The following TCF20 variants were observed in gnomAD, a reference collection of about 807,000 sequenced individuals.
The protein encoded by TCF20 is transcription factor 20, also known as SPRE-binding protein.
In TCF20, 3 loss-of-function variants were observed where a neutral mutation model predicts 148.6. The ratio of observed to expected loss-of-function variants is 0.02; its 90% CI spans 0.01 to 0.05. The LOEUF (loss-of-function observed/expected upper bound fraction) is 0.05, where lower values mean the gene tolerates loss of function less well. TCF20 is among the 10% of genes least tolerant of loss of function. TCF20 has a pLI of 1.00. For synonymous variants in TCF20, 1,049 were observed against 909.5 expected, an observed-to-expected ratio of 1.15 and a Z score of -2.76; for missense variants, 2,350 against 2,429.3, an observed-to-expected ratio of 0.97 and a Z score of 0.69.
At chr22:42,283,060 C>G (rs1041378381) in intron 1 of TCF20, among the ~76,000 whole-genome samples, 1 of 152,242 alleles carries the variant, frequency 6.6e-6, no homozygotes, top group Non-Finnish European at 1.5e-5. Context: ...TCATTCTCCG[C>G]TCTCTTCCTC....
rs138453240 is a variant in TCF20 at position 42,210,257 on chromosome 22, C to T, written c.5049G>A (p.Pro1683=). 8.8e-4 allele frequency: 1,425 copies of T among 1,614,164 alleles called. 1 individual carries two copies. The highest frequency in any genetic ancestry group is 1.1e-3 in the Non-Finnish European group (1,357 of 1,180,042). The change falls in exon 2 of 6, where the codon CCG becomes CCA. Residue 1683 remains proline (P), a synonymous_variant. Coordinates refer to ENST00000677622, the MANE Select transcript of TCF20 (RefSeq NM_001378418.1). This position sits in a 1 kb window ranked among gnomAD's most constrained non-coding sequence, Gnocchi z 4.7. The part of the protein sequence containing the change: ...PPSSTESKAL[P]ASSFMLQGPV... ...GTCCCTGCAGCATAAAGGACGAGGC[C>T]GGGAGCGCCTTGCTTTCAGTGCTGC...
At chr22:42,340,151 A>G (rs1405519973) in intron 1 of TCF20, among the ~76,000 whole-genome samples, 2 of 152,202 alleles carry the variant, frequency 1.3e-5, no homozygotes, top group African/African-American at 4.8e-5. Context: ...AGAGCCGTCC[A>G]GACATTCCCA....
chr22:42,256,213 C>A (rs1925733493), intron 1 of TCF20, among the ~76,000 whole-genome samples: 1 of 152,192 alleles, frequency 6.6e-6, no homozygotes, highest in South Asian at 2.1e-4. Flanking sequence ...ATCAATCATT[C>A]ATACGTTTGA....
chr22:42,244,193 A>G (rs1924711331), intron 1 of TCF20, among the ~76,000 whole-genome samples: 1 of 152,140 alleles, frequency 6.6e-6, no homozygotes, highest in African/African-American at 2.4e-5. Context: ...CACACATGGG[A>G]ATATAAAATA....
chr22:42,179,038 A>T (rs376014697), intron 3 of TCF20, among the ~76,000 whole-genome samples: 2 of 119,572 alleles, frequency 1.7e-5, no homozygotes, highest in African/African-American at 3.7e-5. Context: ...GGCTACAATT[A>T]AAAAAAAAAA....
At position 42,160,854 on chromosome 22, in the gene TCF20, T is replaced by C. The variant is rs1420327813; in HGVS notation, c.*549A>G. 1 of 152,490 alleles carries C rather than the reference T, an allele frequency of 6.6e-6. No individual in the cohort carries two copies. The highest frequency in any genetic ancestry group is 1.9e-4 in the East Asian group (1 of 5,180). 9.4% of individuals were successfully genotyped at this position (152,490 alleles called of 1,614,324 possible). On this transcript the variant is annotated 3_prime_UTR_variant, in exon 6 of 6. Coordinates refer to ENST00000677622, the MANE Select transcript of TCF20 (RefSeq NM_001378418.1). ...CTGGGTCTAGTGTTTTCTGAACTGG[T>C]GTGAGACAGGCTAAAGATCAACGCC...
chr22:42,162,153 G>A (rs538094866), intron 5 of TCF20, among the ~76,000 whole-genome samples: 1 of 151,760 alleles, frequency 6.6e-6, no homozygotes, highest in Non-Finnish European at 1.5e-5. Context: ...GCTAATTTTT[G>A]TATTTTTAGG....
intron 3 of TCF20, 30 bp from the exon 4 acceptor site, chr22:42,169,926 A>G (rs1199283284): frequency 1.9e-6 from 3 of 1,611,650 alleles, no homozygotes; most frequent in East Asian, 2.2e-5. Context: ...AGTCAGATGG[A>G]GACTTCACAG....
intron 2 of TCF20, among the ~76,000 whole-genome samples, chr22:42,188,293 CAAAAAAAAAAAA>C (rs58945649): frequency 4.9e-4 from 24 of 49,464 alleles, no homozygotes; most frequent in Admixed American, 2.5e-3. Context: ...AACTCCGTCT[CAAAAAAAAAAAA>C]AAAAAAAAAA....
chr22:42,213,822 G>C lies in TCF20; in HGVS notation c.1484C>G (p.Ala495Gly). The C allele has an allele frequency of 6.2e-7, 1 of 1,614,188 alleles. No individual in the cohort carries two copies. Among genetic ancestry groups the C allele is most frequent in the Non-Finnish European group, 8.5e-7 (1 of 1,180,038 alleles). Reference protein sequence around the residue: ...TSKRPSSSKKADSCTNSEGSS... With the variant: ...TSKRPSSSKKGDSCTNSEGSS... ...GCCTTCAGAATTTGTGCAGCTATCT[G>C]CTTTCTTGGAAGATGAGGGCCTCTT... Residue 495 changes from alanine to glycine, a missense_variant, in exon 2 of 6, where the codon GCA (alanine) becomes GGA (glycine). Physicochemically the swap from Ala to Gly is moderately conservative, Grantham distance 60 (BLOSUM62 0). Coordinates refer to ENST00000677622, the MANE Select transcript of TCF20 (RefSeq NM_001378418.1).
At position 42,214,225 on chromosome 22, in the gene TCF20, G is replaced by A. The variant is rs760801516; in HGVS notation, c.1081C>T (p.His361Tyr). The change falls in exon 2 of 6, where the codon CAC becomes TAC. Residue 361 changes from histidine to tyrosine, a missense_variant. Transcript: ENST00000677622. ...EVPVRSPMQF[H>Y]QNFSPISNPS... is the part of the protein sequence containing the mutation. Reference sequence around the variant, plus strand: ...TTAGAAATGGGGCTGAAGTTCTGGTGAAACTGCATGGGGGACCTCACAGGA... The same window carrying A: ...TTAGAAATGGGGCTGAAGTTCTGGTAAAACTGCATGGGGGACCTCACAGGA... 2 of 1,614,228 alleles carry A rather than the reference G, an allele frequency of 1.2e-6. No homozygotes were observed. The highest frequency in any genetic ancestry group is 1.1e-5 in the South Asian group (1 of 91,082).
At chr22:42,284,259 G>T (rs1014339510), upstream of TCF20, among the ~76,000 whole-genome samples, 5 of 152,250 alleles carry the variant, frequency 3.3e-5, no homozygotes, top group Admixed American at 3.3e-4. Context: ...AGATAGGGGC[G>T]ATTATGTGTC....
At chr22:42,205,106 G>A (rs1256426306) in intron 2 of TCF20, among the ~76,000 whole-genome samples, 1 of 152,164 alleles carries the variant, frequency 6.6e-6, no homozygotes, top group African/African-American at 2.4e-5. Flanking sequence ...AAGGTGATTT[G>A]TACATACCAA....
chr22:42,161,054 TTA>T lies in TCF20; in HGVS notation c.*347_*348del, dbSNP rs1007004372. On this transcript the variant is annotated 3_prime_UTR_variant, in exon 6 of 6. Coordinates refer to ENST00000677622, the MANE Select transcript of TCF20 (RefSeq NM_001378418.1). ...AAGTCTTTCCAGACTAAAAATAGAT[TTA>T]TATATATATATTTATCCCTCCCTTT... is the stretch of plus-strand genomic sequence containing the variant. 30 of 325,406 alleles carry T rather than the reference TTA, an allele frequency of 9.2e-5. No homozygotes were observed. Among genetic ancestry groups the T allele is most frequent in the South Asian group, 5.1e-4 (5 of 9,714 alleles). 20.2% of individuals were successfully genotyped at this position (325,406 alleles called of 1,614,324 possible).
At chr22:42,263,119 A>G (rs917040571) in intron 1 of TCF20, among the ~76,000 whole-genome samples, 1 of 152,196 alleles carries the variant, frequency 6.6e-6, no homozygotes, top group Non-Finnish European at 1.5e-5. Flanking sequence ...ACAGATAAGG[A>G]AACTACAGCT....
intron 1 of TCF20, among the ~76,000 whole-genome samples, chr22:42,330,246 T>A (rs1927948944): frequency 6.6e-6 from 1 of 152,152 alleles, no homozygotes; most frequent in Non-Finnish European, 1.5e-5. Flanking sequence ...CAGTGATCCT[T>A]CCTTCCAGGG....
intron 1 of TCF20, among the ~76,000 whole-genome samples, chr22:42,231,471 C>A (rs1013235539): frequency 1.3e-5 from 2 of 151,306 alleles, no homozygotes; most frequent in African/African-American, 4.9e-5. Context: ...CAGAGTAAGA[C>A]CTTATCTCTA....
At chr22:42,268,796 C>G (rs1213724937) in intron 1 of TCF20, among the ~76,000 whole-genome samples, 1 of 152,170 alleles carries the variant, frequency 6.6e-6, no homozygotes, top group African/African-American at 2.4e-5. Context: ...TGATCTGAAG[C>G]ACAGAACAGC....
upstream of TCF20, among the ~76,000 whole-genome samples, chr22:42,270,671 C>G (rs1307161069): frequency 7.1e-6 from 1 of 139,930 alleles, no homozygotes; most frequent in Non-Finnish European, 1.6e-5. Flanking sequence ...CAGGTGACGG[C>G]GCGCGGCCAA....
Sources: gnomAD v4.1 joint callset for allele counts (sites outside exome capture counted in the v4.1 genomes callset) on GRCh38, gnomAD v4.1.1 for gene constraint, Gnocchi (gnomAD v3.1) non-coding constraint, MANE v1.5 for transcripts, NCBI Gene and HGNC (gene_info 2026-07-23, HGNC 2026-07-21) for gene names.